The following LCORL variants were observed in gnomAD, a reference collection of about 807,000 sequenced individuals.
The protein encoded by LCORL is ligand dependent nuclear receptor corepressor like, also known as ligand-dependent nuclear receptor corepressor-like protein.
LCORL carries 41 observed loss-of-function variants against 141.8 expected under a neutral mutation model. That is an observed-to-expected ratio of 0.29 (90% CI 0.23 to 0.38). The LOEUF (loss-of-function observed/expected upper bound fraction) is 0.38. LCORL is among the 10% of genes least tolerant of loss of function. The probability of loss-of-function intolerance (pLI) is 1.00; values close to 1 mark genes in which losing one functional copy is unlikely to be tolerated. For synonymous variants in LCORL, 618 were observed against 694.1 expected, an observed-to-expected ratio of 0.89 and a Z score of 1.72; for missense variants, 1,759 against 2,035.0, an observed-to-expected ratio of 0.86 and a Z score of 2.61.
At chr4:17,973,762 G>A (rs1716419134) in intron 1 of LCORL, among the ~76,000 whole-genome samples, 1 of 151,744 alleles carries the variant, frequency 6.6e-6, no homozygotes, top group Non-Finnish European at 1.5e-5. Context: ...TACTTCTATA[G>A]AAATATTTCA....
chr4:17,918,634 T>A (rs1484172565), intron 4 of LCORL, among the ~76,000 whole-genome samples: 1 of 152,092 alleles, frequency 6.6e-6, no homozygotes, highest in African/African-American at 2.4e-5. Flanking sequence ...AACTTGAACA[T>A]AGGCAGGTTG....
chr4:17,881,298 A>G (rs1727540732), intron 6 of LCORL: 3 of 980,008 alleles, frequency 3.1e-6, no homozygotes, highest in South Asian at 4.7e-5. Flanking sequence ...TGGTAACTAA[A>G]TTCATAAAGT....
intron 4 of LCORL, among the ~76,000 whole-genome samples, chr4:17,936,395 A>C (rs971649859): frequency 2.6e-5 from 4 of 151,816 alleles, no homozygotes; most frequent in African/African-American, 4.8e-5. Flanking sequence ...AAATCCAGAA[A>C]GATCAAATCA....
intron 4 of LCORL, among the ~76,000 whole-genome samples, chr4:17,948,338 C>T (rs774708268): frequency 6.6e-6 from 1 of 151,760 alleles, no homozygotes; most frequent in Non-Finnish European, 1.5e-5. Context: ...TTCTGGAGAG[C>T]AGAATAGGAA....
chr4:17,993,690 T>C (rs986261996), intron 1 of LCORL, among the ~76,000 whole-genome samples: 3 of 152,126 alleles, frequency 2.0e-5, no homozygotes, highest in African/African-American at 7.2e-5. Flanking sequence ...TGGAAAGTCT[T>C]GAAGAAGTCA....
chr4:17,889,414 C>T (rs536075674), intron 5 of LCORL, among the ~76,000 whole-genome samples: 2 of 152,124 alleles, frequency 1.3e-5, no homozygotes, highest in Admixed American at 6.6e-5. Context: ...GAAAAATGTA[C>T]TCCATATTTC....
intron 1 of LCORL, among the ~76,000 whole-genome samples, chr4:17,977,226 A>C (rs1411135825): frequency 7.9e-5 from 12 of 152,116 alleles, no homozygotes; most frequent in African/African-American, 2.9e-4. Context: ...AAGTTGGTGG[A>C]TATACGTTTT....
intron 4 of LCORL, among the ~76,000 whole-genome samples, chr4:17,919,078 G>C (rs1318861334): frequency 1.3e-5 from 2 of 151,660 alleles, no homozygotes; most frequent in Admixed American, 6.6e-5. Context: ...TATCACTACT[G>C]ATCTTAAAAA....
At chr4:17,985,050 G>A (rs1987069) in intron 1 of LCORL, among the ~76,000 whole-genome samples, 18,807 of 152,048 alleles carry the variant, frequency 0.12, 1,309 homozygotes, top group South Asian at 0.26. Context: ...AGAGCACGTT[G>A]TTTAATTTTC....
At chr4:17,988,509 T>G (rs145216043) in intron 1 of LCORL, among the ~76,000 whole-genome samples, 2 of 152,186 alleles carry the variant, frequency 1.3e-5, no homozygotes, top group African/African-American at 4.8e-5. Flanking sequence ...TTTTTAGACT[T>G]TCCATTCATC....
chr4:17,990,180 G>T (rs527574566), intron 1 of LCORL, among the ~76,000 whole-genome samples: 1 of 143,990 alleles, frequency 6.9e-6, no homozygotes, highest in East Asian at 2.1e-4. Flanking sequence ...CTCACTGCAA[G>T]CTCCGCCTCC....
At chr4:17,966,420 T>C (rs1207966265) in intron 2 of LCORL, among the ~76,000 whole-genome samples, 1 of 152,080 alleles carries the variant, frequency 6.6e-6, no homozygotes, top group Non-Finnish European at 1.5e-5. Context: ...AATGGACCAA[T>C]TCCTCAGAAG....
chr4:17,914,353 T>C (rs1577403513), intron 4 of LCORL, among the ~76,000 whole-genome samples: 1 of 152,242 alleles, frequency 6.6e-6, no homozygotes. Flanking sequence ...AATATGATTA[T>C]ATCTGTCATA....
At chr4:17,877,669 G>T in exon 7 of LCORL, 3 of 1,229,996 alleles carry the variant, frequency 2.4e-6, no homozygotes, top group Non-Finnish European at 2.0e-6. Flanking sequence ...GATAATGGTG[G>T]GGGTGAGGGA....
intron 1 of LCORL, among the ~76,000 whole-genome samples, chr4:18,012,442 A>C (rs1723952101): frequency 6.6e-6 from 1 of 152,196 alleles, no homozygotes; most frequent in African/African-American, 2.4e-5. Flanking sequence ...CAACCTTACC[A>C]TTTTAAAAAG....
intron 1 of LCORL, among the ~76,000 whole-genome samples, chr4:18,017,927 A>G (rs1352341801): frequency 6.6e-6 from 1 of 152,128 alleles, no homozygotes; most frequent in East Asian, 1.9e-4. Flanking sequence ...AAAGAGGTTG[A>G]TGTCTCTGAA....
At chr4:18,017,402 T>C (rs1585333) in intron 1 of LCORL, among the ~76,000 whole-genome samples, 36,998 of 152,002 alleles carry the variant, frequency 0.24, 5,858 homozygotes, top group African/African-American at 0.45. Context: ...AGATAAATAA[T>C]AACTTTCAGG....
chr4:17,855,065 TA>T (rs991737091), intron 7 of LCORL, among the ~76,000 whole-genome samples: 4 of 151,784 alleles, frequency 2.6e-5, no homozygotes, highest in Non-Finnish European at 5.9e-5. Flanking sequence ...ACATTTAGAA[TA>T]AAAAAAACAG....
chr4:17,843,235 TTTTA>T, exon 8 of LCORL: 1 of 1,527,594 alleles, frequency 6.5e-7, no homozygotes, highest in East Asian at 2.3e-5. Flanking sequence ...AACAAAAAAG[TTTTA>T]TTTATAAATA....
Sources: gnomAD v4.1 joint callset for allele counts (sites outside exome capture counted in the v4.1 genomes callset) on GRCh38, gnomAD v4.1.1 for gene constraint, MANE v1.5 for transcripts, NCBI Gene and HGNC (gene_info 2026-07-23, HGNC 2026-07-21) for gene names.